PPFIA2: variants seen among roughly 807,000 people sequenced by gnomAD.
PPFIA2 encodes PPFI scaffold protein A2.
PPFIA2 carries 46 observed loss-of-function variants against 175.5 expected under a neutral mutation model. The observed-to-expected ratio is 0.26, with a 90% CI of 0.21 to 0.34. The LOEUF is 0.34. PPFIA2 is among the 10% of genes least tolerant of loss of function. The pLI, the probability that PPFIA2 is intolerant of heterozygous loss-of-function variation, is 1.00. For synonymous variants in PPFIA2, 568 were observed against 511.4 expected (o/e 1.11, Z -1.49); for missense variants, 1,179 against 1,506.1 (o/e 0.78, Z 3.60).
chr12:81,716,538 C>G (rs901371842), intron 3 of PPFIA2, among the ~76,000 whole-genome samples: 1 of 149,752 alleles, frequency 6.7e-6, no homozygotes, highest in Admixed American at 6.8e-5. Context: ...TAGTAAAATA[C>G]TTGGAAAGTA....
At chr12:81,273,914 AAGGATTTCCTT>A (rs1468956339) in intron 28 of PPFIA2, among the ~76,000 whole-genome samples, 2 of 150,694 alleles carry the variant, frequency 1.3e-5, no homozygotes, top group African/African-American at 4.9e-5. Context: ...CAGCAAAGCA[AAGGATTTCCTT>A]AATATTCTTT....
chr12:81,263,263 G>T lies in PPFIA2; in HGVS notation c.3683C>A (p.Thr1228Asn), dbSNP rs892059185. The T allele has an allele frequency of 1.9e-6, 3 of 1,611,254 alleles. No individual in the cohort carries two copies. Among genetic ancestry groups the T allele is most frequent in the Non-Finnish European group, 2.5e-6 (3 of 1,178,362 alleles). The change falls in exon 31 of 33, where the codon ACC becomes AAC. Residue 1228 changes from threonine to asparagine, a missense_variant. Physicochemically the swap from Thr to Asn is moderately conservative, Grantham distance 65 (BLOSUM62 0). Around this residue, in one of 10 missense-constraint regions of PPFIA2, gnomAD observed 245 missense variants for 375.1 expected, o/e 0.65. Coordinates refer to ENST00000549396, the MANE Select transcript of PPFIA2 (RefSeq NM_003625.5). ...TLPAGFRLTTTSGQSRKMTTD... is the reference protein window; with the variant it reads ...TLPAGFRLTTNSGQSRKMTTD... ...TGTCATTTTTCTTGACTGCCCAGAG[G>T]TTGTGGTTAACCTAAATCCAGCTGG...
At chr12:81,535,239 T>G (rs950161441) in intron 4 of PPFIA2, among the ~76,000 whole-genome samples, 1 of 151,704 alleles carries the variant, frequency 6.6e-6, no homozygotes, top group African/African-American at 2.4e-5. Context: ...GTTGAAATTT[T>G]AAGGGCAATG....
At chr12:81,412,682 C>T (rs754181570) in intron 7 of PPFIA2, among the ~76,000 whole-genome samples, 24 of 151,950 alleles carry the variant, frequency 1.6e-4, no homozygotes, top group South Asian at 4.1e-4. Flanking sequence ...GCTGGTTGTA[C>T]GATCTTGTAC....
intron 4 of PPFIA2, among the ~76,000 whole-genome samples, chr12:81,509,038 T>A (rs892646118): frequency 2.0e-5 from 3 of 152,002 alleles, no homozygotes; most frequent in Non-Finnish European, 4.4e-5. Context: ...AAATGATGAG[T>A]TCATGTCCTT....
chr12:81,698,257 G>C (rs541350194), intron 3 of PPFIA2, among the ~76,000 whole-genome samples: 2 of 152,064 alleles, frequency 1.3e-5, no homozygotes, highest in Non-Finnish European at 2.9e-5. Flanking sequence ...TTAAGAGGTG[G>C]GACCCTTATG....
At chr12:81,642,905 C>T (rs2065508983) in intron 4 of PPFIA2, among the ~76,000 whole-genome samples, 1 of 142,150 alleles carries the variant, frequency 7.0e-6, no homozygotes, top group Non-Finnish European at 1.5e-5. Context: ...ATGTTATATA[C>T]ACACAAATGT....
At chr12:81,533,343 C>A (rs2064867041) in intron 4 of PPFIA2, among the ~76,000 whole-genome samples, 1 of 151,568 alleles carries the variant, frequency 6.6e-6, no homozygotes, top group Admixed American at 6.6e-5. Flanking sequence ...TATAATTTAT[C>A]AAATTTATGC....
At chr12:81,583,268 T>G (rs2074686940) in intron 4 of PPFIA2, among the ~76,000 whole-genome samples, 1 of 151,926 alleles carries the variant, frequency 6.6e-6, no homozygotes, top group Non-Finnish European at 1.5e-5. Flanking sequence ...TTTGGTACAG[T>G]GATTAGGATA....
intron 7 of PPFIA2, chr12:81,424,821 C>A (rs2046865884): frequency 1.3e-5 from 2 of 152,166 alleles, no homozygotes; most frequent in African/African-American, 4.8e-5. Flanking sequence ...GCACTTTAAC[C>A]CATACAGCGT....
At chr12:81,393,367 T>C (rs2040503942) in intron 8 of PPFIA2, among the ~76,000 whole-genome samples, 1 of 152,104 alleles carries the variant, frequency 6.6e-6, no homozygotes, top group African/African-American at 2.4e-5. Flanking sequence ...GTTGCTATTG[T>C]TGTTCATCTA....
rs2034593740 is a variant in PPFIA2 at position 81,259,268 on chromosome 12, C to T, written c.*426G>A. The T allele has an allele frequency of 3.1e-6, 1 of 322,890 alleles. No homozygotes were observed. Among genetic ancestry groups the T allele is most frequent in the Admixed American group, 4.6e-5 (1 of 21,810 alleles). 20.0% of individuals were successfully genotyped at this position (322,890 alleles called of 1,614,324 possible). A position where few individuals can be genotyped will look rare whatever the true frequency, so the allele number is the denominator to read the frequency against. On this transcript the variant is annotated 3_prime_UTR_variant, in exon 33 of 33. Coordinates refer to ENST00000549396, the MANE Select transcript of PPFIA2 (RefSeq NM_003625.5). ...TTGTCAAATGTTTGCACTCGAGACT[C>T]CATGAACCATATATTTTATTTTTTA...
intron 16 of PPFIA2, 135 bp downstream of exon 16, chr12:81,357,947 T>A (rs548751820): frequency 1.5e-4 from 138 of 940,870 alleles, no homozygotes; most frequent in Middle Eastern, 3.4e-4. Context: ...ATAGTTTTTT[T>A]AAAAATGTCA....
At chr12:81,445,767 T>A (rs554028612) in intron 5 of PPFIA2, 47 bp from the exon 6 acceptor site, 4 of 1,549,122 alleles carry the variant, frequency 2.6e-6, no homozygotes, top group African/African-American at 2.7e-5. Flanking sequence ...ATACAAGTCA[T>A]AAATACTTAC....
At chr12:81,354,581 A>C (rs2060567748) in intron 16 of PPFIA2, among the ~76,000 whole-genome samples, 1 of 152,054 alleles carries the variant, frequency 6.6e-6, no homozygotes, top group Non-Finnish European at 1.5e-5. Flanking sequence ...CCTCCACAGA[A>C]GTATTGAGCC....
At chr12:81,268,697 GTGTC>G (rs1233863609) in intron 28 of PPFIA2, among the ~76,000 whole-genome samples, 4 of 152,192 alleles carry the variant, frequency 2.6e-5, no homozygotes, top group African/African-American at 9.7e-5. Flanking sequence ...AGAGAACTAG[GTGTC>G]TGTCTGAAGT....
chr12:81,367,171 C>A lies in PPFIA2; in HGVS notation c.1483-1G>T. On this transcript the variant is annotated splice_acceptor_variant, in intron 13 of 32. Coordinates refer to ENST00000549396, the MANE Select transcript of PPFIA2 (RefSeq NM_003625.5). LOFTEE classifies it high-confidence loss of function. Reference sequence around the variant, plus strand: ...TTTCTGATTCTTGAATTAAAACATTCTAAAGAAAAGAAAATAGCAGAAATA... The same window carrying A: ...TTTCTGATTCTTGAATTAAAACATTATAAAGAAAAGAAAATAGCAGAAATA... 7.2e-7 allele frequency: 1 copy of A among 1,382,518 alleles called. No homozygotes were observed. Among genetic ancestry groups the A allele is most frequent in the South Asian group, 1.7e-5 (1 of 59,398 alleles). 85.6% of individuals were successfully genotyped at this position (1,382,518 alleles called of 1,614,324 possible).
intron 16 of PPFIA2, 79 bp from the exon 17 acceptor site, chr12:81,353,418 C>T (rs2140949231): frequency 2.0e-6 from 2 of 995,760 alleles, no homozygotes; most frequent in Admixed American, 3.9e-5. Flanking sequence ...ACAGCAACAA[C>T]AACAGGCATG....
At chr12:81,525,340 C>T (rs988687294) in intron 4 of PPFIA2, among the ~76,000 whole-genome samples, 2 of 152,232 alleles carry the variant, frequency 1.3e-5, no homozygotes, top group Admixed American at 6.5e-5. Context: ...GGTCCCAAAT[C>T]ACTTGCCTTT....
Sources: allele counts gnomAD v4.1 joint callset (sites outside exome capture counted in the v4.1 genomes callset), GRCh38; gene constraint gnomAD v4.1.1; regional missense constraint gnomAD v4.1.1; transcripts MANE v1.5; gene names NCBI Gene and HGNC (gene_info 2026-07-23, HGNC 2026-07-21).